The following SLC1A2 variants were observed in gnomAD, a reference collection of about 807,000 sequenced individuals.
SLC1A2 encodes excitatory amino acid transporter 2.
SLC1A2 carries 15 observed loss-of-function variants against 48.8 expected under a neutral mutation model. That is an observed-to-expected ratio of 0.31 (90% confidence interval 0.21 to 0.47). The LOEUF is 0.47. Ranked by LOEUF, SLC1A2 falls within the 20% of genes least tolerant of loss-of-function variation. SLC1A2 has a pLI of 0.99. For missense variants in SLC1A2, 502 were observed against 730.5 expected (o/e 0.69, Z 3.61); for synonymous variants, 279 against 272.6 (o/e 1.02, Z -0.23).
At chr11:35,278,286 T>G (rs1173395370) in intron 9 of SLC1A2, among the ~76,000 whole-genome samples, 3 of 149,450 alleles carry the variant, frequency 2.0e-5, no homozygotes, top group South Asian at 2.1e-4. Context: ...TTTTTTTTTT[T>G]TTTTTTTAGA....
rs1290641560 is a variant in SLC1A2 at position 35,259,931 on chromosome 11, A to G, written c.*963T>C. ...CCAGGCTTTCTAGGACGATGAGATG[A>G]TGACTGAAATAATTGACAGATTAAA... On this transcript the variant is annotated 3_prime_UTR_variant, in exon 11 of 11. Coordinates refer to ENST00000278379, the MANE Select transcript of SLC1A2 (RefSeq NM_004171.4). The G allele has an allele frequency of 6.6e-6, 1 of 152,258 alleles. No homozygotes were observed. Among genetic ancestry groups the G allele is most frequent in the Non-Finnish European group, 1.5e-5 (1 of 68,034 alleles). 9.4% of individuals were successfully genotyped at this position (152,258 alleles called of 1,614,324 possible). A position where few individuals can be genotyped will look rare whatever the true frequency, so the allele number is the denominator to read the frequency against.
intron 1 of SLC1A2, chr11:35,404,600 G>A (rs976202629): frequency 1.3e-5 from 2 of 152,190 alleles, no homozygotes; most frequent in African/African-American, 4.8e-5. Flanking sequence ...CTGGGAAAGA[G>A]GTAATTTGCC....
intron 1 of SLC1A2, among the ~76,000 whole-genome samples, chr11:35,363,601 G>C (rs762728041): frequency 3.3e-5 from 5 of 152,116 alleles, no homozygotes; most frequent in South Asian, 2.1e-4. Context: ...CTAGCACTTA[G>C]AGCACTTTCT....
At chr11:35,418,881 C>T in intron 1 of SLC1A2, 69 bp downstream of exon 1, 2 of 1,439,832 alleles carry the variant, frequency 1.4e-6, no homozygotes, top group Non-Finnish European at 9.6e-7. Context: ...TATCCGCATC[C>T]CGGATAGGGG....
chr11:35,349,459 A>T (rs1055734665), intron 1 of SLC1A2, among the ~76,000 whole-genome samples: 1 of 152,146 alleles, frequency 6.6e-6, no homozygotes, highest in African/African-American at 2.4e-5. Flanking sequence ...TCTGATGTGT[A>T]CATCTTATGA....
chr11:35,414,949 C>A (rs186425731), intron 1 of SLC1A2, among the ~76,000 whole-genome samples: 1 of 152,264 alleles, frequency 6.6e-6, no homozygotes, highest in Admixed American at 6.5e-5. Flanking sequence ...AGGGGGGAAA[C>A]CAGACATCAG....
chr11:35,294,957 G>A (rs768948638), intron 6 of SLC1A2, among the ~76,000 whole-genome samples: 2 of 152,238 alleles, frequency 1.3e-5, no homozygotes, highest in Non-Finnish European at 2.9e-5. Context: ...AATAGGATGA[G>A]CATTAAGTAG....
At chr11:35,274,852 G>A (rs990513139) in intron 9 of SLC1A2, among the ~76,000 whole-genome samples, 14 of 152,322 alleles carry the variant, frequency 9.2e-5, no homozygotes, top group African/African-American at 3.4e-4. Context: ...CACTCACTAA[G>A]TATTAGCTAT....
chr11:35,401,964 C>G (rs1356322753), intron 1 of SLC1A2, among the ~76,000 whole-genome samples: 1 of 152,050 alleles, frequency 6.6e-6, no homozygotes, highest in Non-Finnish European at 1.5e-5. Context: ...CCTGTGCCCC[C>G]ACCCAACATC....
chr11:35,367,669 G>C (rs370668273), intron 1 of SLC1A2, among the ~76,000 whole-genome samples: 1 of 152,078 alleles, frequency 6.6e-6, no homozygotes, highest in African/African-American at 2.4e-5. Context: ...TATGATCCAC[G>C]TGCTACCATC....
At chr11:35,352,154 A>C (rs1444325765) in intron 1 of SLC1A2, 1 of 120,924 alleles carries the variant, frequency 8.3e-6, no homozygotes, top group Non-Finnish European at 1.7e-5. Context: ...AAAAAAGTCC[A>C]TATGACTCAG....
Position 35,284,087 on chromosome 11 carries a change from T to TTATATA in SLC1A2, c.1286+2664_1286+2669dup, listed in dbSNP as rs34252173. Reference sequence around the variant, plus strand: ...TCATAGGGTGGTTGTGAAGATTTTATTATATATATATATATATATATATAA... The same window carrying TTATATA: ...TCATAGGGTGGTTGTGAAGATTTTATTATATATATATATATATATATATATATATAA... On this transcript the variant is annotated intron_variant, in intron 8 of 10. Transcript: ENST00000278379. Among the ~76,000 whole-genome samples, 915 of 115,836 alleles carry TTATATA rather than the reference T, an allele frequency of 7.9e-3. 18 individuals are homozygous for TTATATA. The highest frequency in any genetic ancestry group is 0.021 in the East Asian group (87 of 4,148). The allele number at this position is 115,836 out of a possible 152,430, so 76.0% of individuals were successfully genotyped here.
chr11:35,389,452 C>CCTTCTT (rs1555020634), intron 1 of SLC1A2, among the ~76,000 whole-genome samples: 18 of 150,418 alleles, frequency 1.2e-4, no homozygotes, highest in African/African-American at 4.4e-4. Context: ...TTCTCCTTCT[C>CCTTCTT]CTTCTTCTTC....
intron 5 of SLC1A2, among the ~76,000 whole-genome samples, chr11:35,303,206 T>C (rs1018688155): frequency 3.3e-5 from 5 of 152,174 alleles, no homozygotes; most frequent in Non-Finnish European, 7.3e-5. Context: ...GACTTTACTC[T>C]TTCCCTAGTC....
intron 1 of SLC1A2, among the ~76,000 whole-genome samples, chr11:35,322,312 C>T (rs1852098633): frequency 6.6e-6 from 1 of 152,212 alleles, no homozygotes; most frequent in Non-Finnish European, 1.5e-5. Flanking sequence ...AAACTATTCT[C>T]AGAACCTGCT....
intron 8 of SLC1A2, chr11:35,285,626 A>G (rs1366162350): frequency 6.6e-6 from 1 of 152,274 alleles, no homozygotes; most frequent in Admixed American, 6.5e-5. Context: ...AAGATTGACA[A>G]ACTCCGTTGT....
At chr11:35,382,562 G>T (rs558766498) in intron 1 of SLC1A2, among the ~76,000 whole-genome samples, 1 of 152,214 alleles carries the variant, frequency 6.6e-6, no homozygotes, top group African/African-American at 2.4e-5. Context: ...TTGGGAGGCC[G>T]AGGTGGGTGG....
chr11:35,374,568 G>T, intron 1 of SLC1A2: 1 of 173,914 alleles, frequency 5.7e-6, no homozygotes. Context: ...ACTAATGATA[G>T]CTGATGAGCT....
intron 1 of SLC1A2, among the ~76,000 whole-genome samples, chr11:35,338,640 T>G (rs902877907): frequency 3.3e-5 from 5 of 152,160 alleles, no homozygotes; most frequent in South Asian, 2.1e-4. Flanking sequence ...TGCCTTTGTT[T>G]GAGGACAAGG....
Sources: allele counts gnomAD v4.1 joint callset (sites outside exome capture counted in the v4.1 genomes callset), GRCh38; gene constraint gnomAD v4.1.1; transcripts MANE v1.5; gene names NCBI Gene and HGNC (gene_info 2026-07-23, HGNC 2026-07-21).